RNF228: variants seen among roughly 807,000 people sequenced by gnomAD.
RNF228 encodes the protein ring finger protein 228.
chr2:222,318,771 A>AC, the RNF228 span: 46,164 of 101,576 alleles, frequency 0.45, 9,714 homozygotes, highest in East Asian at 0.61. Context: ...GGCAAAAGAG[A>AC]CCCCCCCCCC....
At chr2:222,318,531 T>TTCC in the RNF228 span, 11 of 152,194 alleles carry the variant, frequency 7.2e-5, no homozygotes. Flanking sequence ...CTCCGGGCAA[T>TTCC]TCAAGTCCAT....
At chr2:222,316,002 G>A in the RNF228 span, among the ~76,000 whole-genome samples, 64,641 of 151,926 alleles carry the variant, frequency 0.43, 14,771 homozygotes, top group Admixed American at 0.6. Flanking sequence ...TGGTAGTAGA[G>A]GTGTCCAGGA....
At chr2:222,318,387 T>A in the RNF228 span, 2 of 152,240 alleles carry the variant, frequency 1.3e-5, no homozygotes, top group African/African-American at 4.8e-5. Context: ...AGCTGCTGCC[T>A]GAGCTCCGGG....
chr2:222,315,947 A>G, the RNF228 span, among the ~76,000 whole-genome samples: 4 of 152,322 alleles, frequency 2.6e-5, no homozygotes, highest in Admixed American at 6.5e-5. Flanking sequence ...GTTTCCAAGC[A>G]GGTACAGAGA....
chr2:222,315,334 C>T, the RNF228 span, among the ~76,000 whole-genome samples: 84 of 152,164 alleles, frequency 5.5e-4, 1 homozygote, highest in Non-Finnish European at 5.9e-5. Flanking sequence ...TCTTTACATT[C>T]TGCAGGAGAG....
the RNF228 span, chr2:222,317,886 C>A: frequency 6.6e-6 from 1 of 152,090 alleles, no homozygotes; most frequent in Non-Finnish European, 1.5e-5. Context: ...GAATCAATTA[C>A]CAACAGGCTT....
the RNF228 span, among the ~76,000 whole-genome samples, chr2:222,317,080 GC>G: frequency 6.6e-6 from 1 of 152,088 alleles, no homozygotes; most frequent in Non-Finnish European, 1.5e-5. Flanking sequence ...CCCACTAAAT[GC>G]CCATCTTAGC....
At chr2:222,314,898 C>T in the RNF228 span, among the ~76,000 whole-genome samples, 1 of 152,216 alleles carries the variant, frequency 6.6e-6, no homozygotes, top group South Asian at 2.1e-4. Context: ...GCCTTGGAGG[C>T]GACAATGTAG....
At chr2:222,317,710 C>G in the RNF228 span, 2 of 152,240 alleles carry the variant, frequency 1.3e-5, no homozygotes, top group South Asian at 4.1e-4. Context: ...CAATATCAAA[C>G]AGCTAAATTC....
At chr2:222,319,928 C>T in the RNF228 span, among the ~76,000 whole-genome samples, 1 of 152,108 alleles carries the variant, frequency 6.6e-6, no homozygotes, top group African/African-American at 2.4e-5. This position sits in a 1 kb window ranked among gnomAD's most constrained non-coding sequence, Gnocchi z 7.6. Flanking sequence ...GGCCGGAGAC[C>T]GTCTCCGCTG....
At chr2:222,316,914 A>G in the RNF228 span, among the ~76,000 whole-genome samples, 83 of 152,250 alleles carry the variant, frequency 5.5e-4, no homozygotes, top group Non-Finnish European at 9.7e-4. Flanking sequence ...TTTTAGTAAT[A>G]GAAACCTAAA....
the RNF228 span, among the ~76,000 whole-genome samples, chr2:222,315,528 T>C: frequency 6.6e-6 from 1 of 152,122 alleles, no homozygotes; most frequent in Non-Finnish European, 1.5e-5. Context: ...AAGGTCCATA[T>C]AGGGCTTTAG....
At chr2:222,315,078 AT>A in the RNF228 span, among the ~76,000 whole-genome samples, 1,485 of 148,306 alleles carry the variant, frequency 0.01, 15 homozygotes, top group African/African-American at 0.026. Context: ...TGCCATAAGT[AT>A]TTTTTTTTTT....
chr2:222,316,884 A>G, the RNF228 span, among the ~76,000 whole-genome samples: 2 of 152,242 alleles, frequency 1.3e-5, no homozygotes, highest in African/African-American at 4.8e-5. Context: ...ATAAATTAAA[A>G]CTAAGTTCTG....
the RNF228 span, among the ~76,000 whole-genome samples, chr2:222,316,442 T>C: frequency 6.8e-3 from 1,033 of 152,340 alleles, 11 homozygotes; most frequent in African/African-American, 0.024. Context: ...CAATCTATAA[T>C]AGAAGCAAAA....
the RNF228 span, chr2:222,317,661 A>C: frequency 6.6e-6 from 1 of 152,212 alleles, no homozygotes. Flanking sequence ...ATTCTTTTTC[A>C]TCTCATGTGA....
chr2:222,319,257 G>A, the RNF228 span: 8 of 334,834 alleles, frequency 2.4e-5, no homozygotes, highest in South Asian at 1.1e-3. This position sits in a 1 kb window ranked among gnomAD's most constrained non-coding sequence, Gnocchi z 7.6. Flanking sequence ...CTCGCCAGGG[G>A]GCGCCCCGCC....
chr2:222,317,350 T>C, the RNF228 span: 11 of 152,178 alleles, frequency 7.2e-5, no homozygotes, highest in African/African-American at 2.7e-4. Context: ...GGCCAATAAA[T>C]TACTTCACTC....
At chr2:222,317,869 A>C in the RNF228 span, 1 of 152,226 alleles carries the variant, frequency 6.6e-6, no homozygotes, top group Non-Finnish European at 1.5e-5. Context: ...TCACAGTATA[A>C]AATATTGAAT....
Sources: gnomAD v4.1 joint callset for allele counts (sites outside exome capture counted in the v4.1 genomes callset) on GRCh38, gnomAD v4.1.1 for gene constraint, Gnocchi (gnomAD v3.1) non-coding constraint, MANE v1.5 for transcripts, NCBI Gene and HGNC (gene_info 2026-07-23, HGNC 2026-07-21) for gene names.